The following PAPPA2 variants were observed in gnomAD, a reference collection of about 807,000 sequenced individuals.
PAPPA2 encodes pappalysin-2.
Under a neutral mutation model 176.4 loss-of-function variants are expected in PAPPA2, and 86 were observed. The observed-to-expected ratio is 0.49, with a 90% CI of 0.41 to 0.58. The LOEUF is 0.58. Ranked by LOEUF, PAPPA2 falls within the 20% of genes least tolerant of loss-of-function variation. The pLI is 0.00. For missense variants in PAPPA2, 2,073 were observed against 2,256.9 expected (o/e 0.92, Z 1.65); for synonymous variants, 809 against 852.2 (o/e 0.95, Z 0.88).
intron 3 of PAPPA2, among the ~76,000 whole-genome samples, chr1:176,616,012 G>T (rs1474706937): frequency 6.6e-6 from 1 of 152,176 alleles, no homozygotes; most frequent in Non-Finnish European, 1.5e-5. Flanking sequence ...TTTGGGAAAG[G>T]TCAGTTGGTA....
intron 1 of PAPPA2, among the ~76,000 whole-genome samples, chr1:176,495,852 C>T (rs2102500025): frequency 6.6e-6 from 1 of 151,398 alleles, no homozygotes; most frequent in Admixed American, 6.6e-5. Flanking sequence ...ACTGCAGCCT[C>T]AAACTCCTGG....
chr1:176,572,664 A>G (rs547367290), intron 2 of PAPPA2, among the ~76,000 whole-genome samples: 2 of 152,328 alleles, frequency 1.3e-5, no homozygotes, highest in African/African-American at 4.8e-5. Context: ...TTATTAAGTG[A>G]ATATGAGTAG....
At chr1:176,622,348 A>G (rs1655643657) in intron 3 of PAPPA2, among the ~76,000 whole-genome samples, 1 of 152,318 alleles carries the variant, frequency 6.6e-6, no homozygotes, top group African/African-American at 2.4e-5. Flanking sequence ...GATGGATGCA[A>G]CAACCTGAAT....
Position 176,706,415 on chromosome 1 carries a change from A to G in PAPPA2, c.3422A>G (p.Lys1141Arg). Residue 1141 changes from lysine (K) to arginine (R), a missense_variant, in exon 10 of 23, where the codon AAG becomes AGG. Around this residue, in one of 4 missense-constraint regions of PAPPA2, gnomAD observed 846 missense variants for 857.9 expected, o/e 0.99. Coordinates refer to ENST00000367662, the MANE Select transcript of PAPPA2 (RefSeq NM_020318.3). ...GDLVSGDGCS[K>R]VCELEEGFNC... ...CTTGTGAGCGGAGATGGCTGCTCCA[A>G]GGTGTGTGAGCTGGAGGAAGGTTTC... is the stretch of plus-strand genomic sequence containing the variant. 1 of 1,613,836 alleles carries G rather than the reference A, an allele frequency of 6.2e-7. No homozygotes were observed. The highest frequency in any genetic ancestry group is 1.1e-5 in the South Asian group (1 of 91,086).
intron 11 of PAPPA2, 90 bp downstream of exon 11, chr1:176,710,266 A>C (rs1661085901): frequency 2.5e-6 from 3 of 1,197,010 alleles, no homozygotes; most frequent in Non-Finnish European, 2.4e-6. Flanking sequence ...TGTTTGGATA[A>C]TTAAAAGAAG....
intron 3 of PAPPA2, among the ~76,000 whole-genome samples, chr1:176,597,326 G>A (rs1483328668): frequency 1.3e-5 from 2 of 152,192 alleles, no homozygotes; most frequent in Non-Finnish European, 2.9e-5. Context: ...GTATAGGAAA[G>A]TAGCTCTAAA....
chr1:176,595,446 G>A lies in PAPPA2; in HGVS notation c.1842G>A (p.Leu614=). 2.5e-6 allele frequency: 4 copies of A among 1,614,188 alleles called. No individual in the cohort carries two copies. Among genetic ancestry groups the A allele is most frequent in the Non-Finnish European group, 3.4e-6 (4 of 1,180,038 alleles). ...LTGYDGGDCR[L]QGRCYSWNRR... ...GCTATGATGGGGGTGACTGCCGCCT[G>A]CAGGGCCGCTGCTACTCCTGGAACC... The change falls in exon 3 of 23, where the codon CTG becomes CTA. Residue 614 remains leucine, a synonymous_variant. Coordinates refer to ENST00000367662, the MANE Select transcript of PAPPA2 (RefSeq NM_020318.3).
intron 3 of PAPPA2, among the ~76,000 whole-genome samples, chr1:176,648,999 GA>G (rs761568815): frequency 5.3e-5 from 8 of 151,464 alleles, no homozygotes; most frequent in Non-Finnish European, 1.2e-4. Flanking sequence ...AGAGTTATTT[GA>G]GTAGAATTTG....
In PAPPA2 at chr1:176,682,867, T is replaced by A. The variant is rs897261872; in HGVS notation, c.2138-7270T>A. Among the ~76,000 whole-genome samples, 8 of 152,038 alleles carry A rather than the reference T, an allele frequency of 5.3e-5. No individual in the cohort carries two copies. The East Asian group carries it at 1.5e-3, about 29-fold the overall frequency. On this transcript the variant is annotated intron_variant, in intron 4 of 22. Transcript: ENST00000367662. Reference sequence around the variant, plus strand: ...GTTTTGAGGAGCAGAGTTTCACCAGTCACTGGAAGTAATTACATAGGCACA... The same window carrying A: ...GTTTTGAGGAGCAGAGTTTCACCAGACACTGGAAGTAATTACATAGGCACA...
chr1:176,604,192 C>T (rs1292348257), intron 3 of PAPPA2, among the ~76,000 whole-genome samples: 2 of 152,200 alleles, frequency 1.3e-5, no homozygotes, highest in East Asian at 3.8e-4. Flanking sequence ...TCCCTGGAGA[C>T]CTCACGTAAA....
chr1:176,498,297 T>G (rs1647744907), intron 1 of PAPPA2, among the ~76,000 whole-genome samples: 1 of 152,176 alleles, frequency 6.6e-6, no homozygotes, highest in Admixed American at 6.5e-5. Flanking sequence ...CAGGTCCCAC[T>G]CTGGGAATTG....
chr1:176,818,483 A>G (rs1476543719), intron 21 of PAPPA2, among the ~76,000 whole-genome samples: 3 of 152,160 alleles, frequency 2.0e-5, no homozygotes, highest in Admixed American at 6.5e-5. Flanking sequence ...TCAGGACAAA[A>G]TCCTTGATGT....
intron 17 of PAPPA2, among the ~76,000 whole-genome samples, chr1:176,778,096 G>A (rs1461252739): frequency 6.8e-6 from 1 of 147,820 alleles, no homozygotes; most frequent in Non-Finnish European, 1.5e-5. Flanking sequence ...ATTGGCATTC[G>A]AGGTCAGAGG....
intron 4 of PAPPA2, among the ~76,000 whole-genome samples, chr1:176,681,490 T>A (rs1201695344): frequency 6.6e-6 from 1 of 151,688 alleles, no homozygotes; most frequent in East Asian, 1.9e-4. Flanking sequence ...AATGATGGAG[T>A]GGGTTATGGC....
At chr1:176,810,475 C>T (rs1291276212) in intron 21 of PAPPA2, among the ~76,000 whole-genome samples, 1 of 152,168 alleles carries the variant, frequency 6.6e-6, no homozygotes, top group East Asian at 1.9e-4. Context: ...AAGGAGCGTG[C>T]AACCTAGATC....
intron 1 of PAPPA2, among the ~76,000 whole-genome samples, chr1:176,527,011 T>G (rs1315563412): frequency 6.6e-6 from 1 of 152,242 alleles, no homozygotes; most frequent in East Asian, 1.9e-4. Flanking sequence ...CTCATTATGT[T>G]GCCCAGGCTG....
At chr1:176,839,954 A>G (rs1667421575) in intron 21 of PAPPA2, among the ~76,000 whole-genome samples, 1 of 152,208 alleles carries the variant, frequency 6.6e-6, no homozygotes, top group African/African-American at 2.4e-5. Flanking sequence ...GTAGGCCAGG[A>G]GCAGTGCTGC....
At chr1:176,827,825 A>T (rs16850233) in intron 21 of PAPPA2, among the ~76,000 whole-genome samples, 1 of 152,116 alleles carries the variant, frequency 6.6e-6, no homozygotes, top group African/African-American at 2.4e-5. Context: ...TTATAGTAAA[A>T]TAGATGTTAA....
intron 1 of PAPPA2, among the ~76,000 whole-genome samples, chr1:176,470,780 G>C (rs1336080036): frequency 1.3e-5 from 2 of 152,326 alleles, no homozygotes; most frequent in East Asian, 3.9e-4. Context: ...GTGCTTATCA[G>C]CTTTGTCCCA....
Sources: allele counts gnomAD v4.1 joint callset (sites outside exome capture counted in the v4.1 genomes callset), GRCh38; gene constraint gnomAD v4.1.1; regional missense constraint gnomAD v4.1.1; transcripts MANE v1.5; gene names NCBI Gene and HGNC (gene_info 2026-07-23, HGNC 2026-07-21).